CACNA1C: variants seen among roughly 807,000 people sequenced by gnomAD.
CACNA1C encodes the protein voltage-dependent L-type calcium channel subunit alpha-1C.
Under a neutral mutation model 229.0 loss-of-function variants are expected in CACNA1C, and 30 were observed. The ratio of observed to expected loss-of-function variants is 0.13; its 90% CI spans 0.10 to 0.18. The LOEUF (loss-of-function observed/expected upper bound fraction) is 0.18, where lower values mean the gene tolerates loss of function less well. Ranked by LOEUF, CACNA1C falls within the 10% of genes least tolerant of loss-of-function variation. CACNA1C has a pLI of 1.00. For missense variants in CACNA1C, 1,658 were observed against 2,845.0 expected (o/e 0.58, Z 9.49); for synonymous variants, 1,114 against 1,132.5 (o/e 0.98, Z 0.33).
intron 1 of CACNA1C, among the ~76,000 whole-genome samples, chr12:1,985,283 C>T (rs2037376850): frequency 6.6e-6 from 1 of 152,248 alleles, no homozygotes; most frequent in South Asian, 2.1e-4. Context: ...TTTCTGAAGG[C>T]CCTGTTCATT....
chr12:2,628,169 C>G (rs935931216), intron 29 of CACNA1C, among the ~76,000 whole-genome samples: 6 of 152,146 alleles, frequency 3.9e-5, no homozygotes, highest in Admixed American at 1.3e-4. Flanking sequence ...AGAGAAGGAG[C>G]GAAGGACTCG....
chr12:2,261,651 C>T (rs984220770), intron 3 of CACNA1C, among the ~76,000 whole-genome samples: 5 of 152,172 alleles, frequency 3.3e-5, no homozygotes, highest in African/African-American at 1.2e-4. Flanking sequence ...CTGAGTAAAA[C>T]ATTATTACAA....
In CACNA1C at chr12:2,252,254, G is replaced by C. The variant is rs376299008; in HGVS notation, c.477+131824G>C. On this transcript the variant is annotated intron_variant, in intron 3 of 46. Transcript: ENST00000399655. ...TGCTTGGATGAATGTATTATTTGCT[G>C]GGGGCTCTTGTGGGGCTTGCTTGAA... Among the ~76,000 whole-genome samples the C allele has an allele frequency of 5.9e-5, 9 of 152,288 alleles. No individual in the cohort carries two copies. The South Asian group carries it at 1.4e-3, about 25-fold the overall frequency.
chr12:2,233,756 T>C (rs2066221309), intron 3 of CACNA1C, among the ~76,000 whole-genome samples: 1 of 152,194 alleles, frequency 6.6e-6, no homozygotes, highest in Non-Finnish European at 1.5e-5. Context: ...CTCTAACCAA[T>C]ACTCTCTGGT....
chr12:2,544,401 G>A (rs550807650), intron 9 of CACNA1C, among the ~76,000 whole-genome samples: 39 of 152,304 alleles, frequency 2.6e-4, no homozygotes, highest in African/African-American at 8.9e-4. Context: ...GCCTTTCCTG[G>A]AAGTGATGGT....
At chr12:2,395,897 G>T (rs193134271) in intron 3 of CACNA1C, among the ~76,000 whole-genome samples, 1 of 152,166 alleles carries the variant, frequency 6.6e-6, no homozygotes, top group South Asian at 2.1e-4. Flanking sequence ...ACAAACACAC[G>T]TCATCTTATT....
At chr12:2,153,968 C>T (rs2095423300) in intron 3 of CACNA1C, among the ~76,000 whole-genome samples, 1 of 152,224 alleles carries the variant, frequency 6.6e-6, no homozygotes, top group South Asian at 2.1e-4. Flanking sequence ...CCTTTGTCTG[C>T]ACTCTGTTCC....
At chr12:2,481,083 C>T (rs2099674066) in intron 5 of CACNA1C, among the ~76,000 whole-genome samples, 1 of 152,228 alleles carries the variant, frequency 6.6e-6, no homozygotes, top group Admixed American at 6.5e-5. Flanking sequence ...AGGAAGTTCT[C>T]ATTTTCCTCT....
At chr12:2,109,808 C>G (rs923692474) in intron 1 of CACNA1C, among the ~76,000 whole-genome samples, 20 of 152,262 alleles carry the variant, frequency 1.3e-4, no homozygotes, top group African/African-American at 3.9e-4. Flanking sequence ...CTCACAACCC[C>G]TTTCCTTAGA....
At chr12:2,099,659 C>A (rs2075585667) in intron 1 of CACNA1C, among the ~76,000 whole-genome samples, 1 of 152,146 alleles carries the variant, frequency 6.6e-6, no homozygotes, top group African/African-American at 2.4e-5. Flanking sequence ...AAATTAATCA[C>A]AAAAATACCT....
At chr12:2,042,358 C>T (rs12371284) in intron 1 of CACNA1C, among the ~76,000 whole-genome samples, 30,604 of 151,926 alleles carry the variant, frequency 0.2, 3,233 homozygotes, top group Middle Eastern at 0.23. Flanking sequence ...TTGTGTTATA[C>T]GCTTCTTTTG....
intron 3 of CACNA1C, among the ~76,000 whole-genome samples, chr12:2,404,001 G>A (rs529950320): frequency 6.6e-5 from 10 of 152,310 alleles, no homozygotes; most frequent in Middle Eastern, 3.4e-3. Context: ...TGTGGGCTCC[G>A]TCCAGCCAGG....
chr12:2,264,644 C>T (rs80191236), intron 3 of CACNA1C, among the ~76,000 whole-genome samples: 30 of 152,138 alleles, frequency 2.0e-4, no homozygotes, highest in Non-Finnish European at 4.0e-4. Context: ...TTTTACTGCC[C>T]GATCAGGGTT....
chr12:2,457,751 C>G (rs1311652185), intron 5 of CACNA1C, 45 bp downstream of exon 5: 17 of 1,459,496 alleles, frequency 1.2e-5, no homozygotes, highest in Non-Finnish European at 1.5e-5. Flanking sequence ...TCCTCACCAC[C>G]TTCTGCTGTC....
chr12:2,682,625 G>T lies in CACNA1C; in HGVS notation c.5520G>T (p.Lys1840Asn), dbSNP rs1456806337. Residue 1840 changes from lysine to asparagine, a missense_variant, in exon 43 of 47, where the codon AAG becomes AAT. Physicochemically the swap from Lys to Asn is moderately conservative, Grantham distance 94. Coordinates refer to ENST00000399655, the MANE Select transcript of CACNA1C (RefSeq NM_000719.7). ...ETSQDETYEV[K>N]MNHDTEACSE... ...CTCAGGATGAGACCTATGAAGTGAA[G>T]ATGAACCATGACACGGAGGCCTGCA... The T allele has an allele frequency of 6.2e-7, 1 of 1,612,408 alleles. No homozygotes were observed. Among genetic ancestry groups the T allele is most frequent in the Non-Finnish European group, 8.5e-7 (1 of 1,179,588 alleles).
At chr12:2,219,453 C>T (rs1490521420) in intron 3 of CACNA1C, among the ~76,000 whole-genome samples, 4 of 152,144 alleles carry the variant, frequency 2.6e-5, no homozygotes, top group Non-Finnish European at 5.9e-5. Flanking sequence ...ATGCTCTTTT[C>T]TTATTTTACC....
intron 15 of CACNA1C, among the ~76,000 whole-genome samples, chr12:2,583,396 C>T (rs571900884): frequency 6.6e-6 from 1 of 152,368 alleles, no homozygotes; most frequent in East Asian, 1.9e-4. Flanking sequence ...TGATGCTGCT[C>T]TCCAGGACTT....
intron 29 of CACNA1C, among the ~76,000 whole-genome samples, chr12:2,625,327 C>T (rs913329491): frequency 1.3e-5 from 2 of 152,246 alleles, no homozygotes; most frequent in Non-Finnish European, 2.9e-5. Flanking sequence ...GGAAAGTACA[C>T]TGTGGTTTCC....
In CACNA1C at chr12:2,677,601, TC is replaced by T; in HGVS notation, c.4957-130del. On this transcript the variant is annotated intron_variant, in intron 40 of 46. Transcript: ENST00000399655. The surrounding 1 kb of genome is among the most constrained non-coding windows in gnomAD (Gnocchi z 7.4). ...CCCCAGTTCACACACACACAAACCT[TC>T]CGGAGGGTCGACTGGCTGGGTGGAG... is the stretch of plus-strand genomic sequence containing the variant. 9.7e-7 allele frequency: 1 copy of T among 1,035,748 alleles called. No individual in the cohort carries two copies. The highest frequency in any genetic ancestry group is 1.4e-6 in the Non-Finnish European group (1 of 698,542). 64.2% of individuals were successfully genotyped at this position (1,035,748 alleles called of 1,614,324 possible). A position where few individuals can be genotyped will look rare whatever the true frequency, so the allele number is the denominator to read the frequency against.
Sources: allele counts gnomAD v4.1 joint callset (sites outside exome capture counted in the v4.1 genomes callset), GRCh38; gene constraint gnomAD v4.1.1; non-coding constraint Gnocchi (gnomAD v3.1); transcripts MANE v1.5; gene names NCBI Gene and HGNC (gene_info 2026-07-23, HGNC 2026-07-21).